The following SMCHD1 variants were observed in gnomAD, a reference collection of about 807,000 sequenced individuals.
The protein encoded by SMCHD1 is structural maintenance of chromosomes flexible hinge domain containing 1, also known as structural maintenance of chromosomes flexible hinge domain-containing protein 1.
In SMCHD1, 78 loss-of-function variants were observed where a neutral mutation model predicts 254.7. That is an observed-to-expected ratio of 0.31 (90% CI 0.26 to 0.37). The LOEUF (loss-of-function observed/expected upper bound fraction) is 0.37. Ranked by LOEUF, SMCHD1 falls within the 10% of genes least tolerant of loss-of-function variation. The pLI, the probability that SMCHD1 is intolerant of heterozygous loss-of-function variation, is 1.00. For synonymous variants in SMCHD1, 766 were observed against 794.9 expected (o/e 0.96, Z 0.61); for missense variants, 1,840 against 2,408.1 (o/e 0.76, Z 4.94).
At chr18:2,791,546 C>CA (rs1349405336) in intron 45 of SMCHD1, among the ~76,000 whole-genome samples, 1 of 151,990 alleles carries the variant, frequency 6.6e-6, no homozygotes, top group Non-Finnish European at 1.5e-5. Flanking sequence ...GGCTCTGTCT[C>CA]AAAAAAACAA....
chr18:2,802,321 G>A (rs1200839833), intron 47 of SMCHD1, among the ~76,000 whole-genome samples: 1 of 152,074 alleles, frequency 6.6e-6, no homozygotes. Flanking sequence ...CTGTGTGTGT[G>A]TTAACTACTT....
rs143543067 is a variant in SMCHD1, at chr18:2,670,350, G to T, written c.425-2931G>T. 4.1e-3 allele frequency among the ~76,000 whole-genome samples: 626 copies of T among 152,110 alleles called. 4 individuals carry two copies. Among genetic ancestry groups the T allele is most frequent in the African/African-American group, 0.015 (605 of 41,504 alleles). ...TTCCTCCAAGTCTTGGTTATCTGTT[G>T]TGTTCTCAACAAAACTTAGTCTATT... On this transcript the variant is annotated intron_variant, in intron 3 of 47. Coordinates refer to ENST00000320876, the MANE Select transcript of SMCHD1 (RefSeq NM_015295.3).
chr18:2,664,062 A>G (rs1308847817), intron 1 of SMCHD1, among the ~76,000 whole-genome samples: 1 of 152,132 alleles, frequency 6.6e-6, no homozygotes, highest in Admixed American at 6.5e-5. Flanking sequence ...AAACCTTCAG[A>G]CACAAAGAGA....
chr18:2,770,688 C>A (rs532324557), intron 39 of SMCHD1, among the ~76,000 whole-genome samples: 1 of 152,168 alleles, frequency 6.6e-6, no homozygotes, highest in East Asian at 1.9e-4. Flanking sequence ...GTGGCACGAT[C>A]TCACTCACTG....
At chr18:2,668,147 T>C (rs1381741498) in intron 3 of SMCHD1, among the ~76,000 whole-genome samples, 1 of 152,194 alleles carries the variant, frequency 6.6e-6, no homozygotes, top group Non-Finnish European at 1.5e-5. Context: ...CCCAAAGTGC[T>C]GGGATTACAG....
At chr18:2,678,746 G>C (rs895838508) in intron 5 of SMCHD1, among the ~76,000 whole-genome samples, 2 of 152,012 alleles carry the variant, frequency 1.3e-5, no homozygotes, top group Non-Finnish European at 2.9e-5. Flanking sequence ...GGCTCCATTA[G>C]GGCCGATCTG....
intron 19 of SMCHD1, among the ~76,000 whole-genome samples, chr18:2,719,984 T>C (rs1479105099): frequency 6.6e-6 from 1 of 152,082 alleles, no homozygotes; most frequent in Non-Finnish European, 1.5e-5. Context: ...CCTGTCTAAT[T>C]TTTAAAAAAC....
rs372029124 is a variant in SMCHD1, at chr18:2,740,725, C to T, written c.3537C>T (p.Tyr1179=). Residue 1179 remains tyrosine (Y), a synonymous_variant, in exon 28 of 48, where the codon TAC becomes TAT. Coordinates refer to ENST00000320876, the MANE Select transcript of SMCHD1 (RefSeq NM_015295.3). ...GEVVIIITDQ[Y]GNQIQAFSPS... ...TAGTTATAATAATTACAGATCAGTACGGAAATCAGATTCAAGCATTTTCAC... is the reference window on the plus strand; with the variant it reads ...TAGTTATAATAATTACAGATCAGTATGGAAATCAGATTCAAGCATTTTCAC... The T allele has an allele frequency of 4.5e-5, 73 of 1,606,192 alleles. 1 individual carries two copies. The South Asian group carries it at 6.1e-4, about 13-fold the overall frequency.
At chr18:2,731,121 T>C (rs1424287855) in intron 24 of SMCHD1, among the ~76,000 whole-genome samples, 1 of 152,132 alleles carries the variant, frequency 6.6e-6, no homozygotes, top group Non-Finnish European at 1.5e-5. Flanking sequence ...GTAAGGCAAG[T>C]AAGATACAAC....
chr18:2,739,521 G>A lies in SMCHD1; in HGVS notation c.3514+1G>A. 6.2e-7 allele frequency: 1 copy of A among 1,608,858 alleles called. No individual in the cohort carries two copies. Among genetic ancestry groups the A allele is most frequent in the South Asian group, 1.1e-5 (1 of 90,556 alleles). On this transcript the variant is annotated splice_donor_variant, in intron 27 of 47. Coordinates refer to ENST00000320876, the MANE Select transcript of SMCHD1 (RefSeq NM_015295.3). LOFTEE classifies it high-confidence loss of function. ...GGCCAAGAGCTTCAAGGAGAAGTAG[G>A]TTAGTATGGCTTGCTTTAAAAAACA...
chr18:2,784,362 C>G (rs865888416), intron 44 of SMCHD1, 88 bp from the exon 45 acceptor site: 1 of 1,154,686 alleles, frequency 8.7e-7, no homozygotes, highest in Non-Finnish European at 1.2e-6. Flanking sequence ...CCTGTCATTT[C>G]TAATCTCAGA....
intron 17 of SMCHD1, among the ~76,000 whole-genome samples, chr18:2,709,246 A>ATATATATATATATATATGTATG (rs759808617): frequency 7.4e-5 from 8 of 107,450 alleles, no homozygotes; most frequent in Admixed American, 3.1e-4. Context: ...ATATATATAT[A>ATATATATATATATATATGTATG]TATACACACA....
Position 2,769,971 on chromosome 18 carries a change from C to T in SMCHD1, c.4847-18C>T. On this transcript the variant is annotated intron_variant, in intron 38 of 47. Transcript: ENST00000320876. ...TCAGTTTTTAAATTATTTAAATTAT[C>T]TCAATTTTTTTTCTTAGATGTTAAG... 6.4e-7 allele frequency: 1 copy of T among 1,568,718 alleles called. No homozygotes were observed. Among genetic ancestry groups the T allele is most frequent in the Non-Finnish European group, 8.6e-7 (1 of 1,165,212 alleles).
At chr18:2,680,655 G>A (rs755293252) in intron 5 of SMCHD1, among the ~76,000 whole-genome samples, 1 of 152,146 alleles carries the variant, frequency 6.6e-6, no homozygotes, top group Admixed American at 6.5e-5. Context: ...AGTTCTGCAC[G>A]TGGAAATGAC....
intron 21 of SMCHD1, 126 bp from the exon 22 acceptor site, chr18:2,726,326 A>G: frequency 2.0e-6 from 1 of 501,978 alleles, no homozygotes. Context: ...TAGTAAGTAT[A>G]AAGTTGGTAA....
intron 17 of SMCHD1, among the ~76,000 whole-genome samples, chr18:2,715,992 C>T (rs2074791142): frequency 6.6e-6 from 1 of 152,066 alleles, no homozygotes; most frequent in Non-Finnish European, 1.5e-5. Context: ...TCTGTATTGT[C>T]CTGATTTCCT....
rs765199144 is a variant in SMCHD1 at position 2,705,774 on chromosome 18, A to G, written c.1923A>G (p.Val641=). ...TTTATGGCGATCATGATGGAGAAGT[A>G]TATGCTACAGGAGGAGAGGTTCAAA... The part of the protein sequence containing the change: ...FFLYGDHDGE[V]YATGGEVQIA... Residue 641 remains valine, a synonymous_variant, in exon 14 of 48, where the codon GTA becomes GTG. Transcript: ENST00000320876. The G allele has an allele frequency of 1.4e-5, 22 of 1,607,642 alleles. No homozygotes were observed. The highest frequency in any genetic ancestry group is 1.9e-5 in the Non-Finnish European group (22 of 1,175,650).
Position 2,800,060 on chromosome 18 carries a change from C to T in SMCHD1, c.5994-2468C>T, listed in dbSNP as rs62077727. ...AGGATAGAAACAAGGCTAGAATATA[C>T]TAGAGGTGAAGGGATTGGGAAATAG... On this transcript the variant is annotated intron_variant, in intron 47 of 47. Coordinates refer to ENST00000320876, the MANE Select transcript of SMCHD1 (RefSeq NM_015295.3). 3.1e-3 allele frequency among the ~76,000 whole-genome samples: 475 copies of T among 152,100 alleles called. 3 individuals carry two copies. Among genetic ancestry groups the T allele is most frequent in the Admixed American group, 8.5e-3 (130 of 15,262 alleles).
chr18:2,678,724 A>T (rs1240421754), intron 5 of SMCHD1, among the ~76,000 whole-genome samples: 2 of 151,260 alleles, frequency 1.3e-5, no homozygotes, highest in African/African-American at 4.9e-5. Context: ...AGCCCAAAGG[A>T]CTCTCTCTAG....
Sources: allele counts gnomAD v4.1 joint callset (sites outside exome capture counted in the v4.1 genomes callset), GRCh38; gene constraint gnomAD v4.1.1; transcripts MANE v1.5; gene names NCBI Gene and HGNC (gene_info 2026-07-23, HGNC 2026-07-21).